Variants in F8 observed in about 807,000 individuals in gnomAD.
F8 encodes the protein antihemophilic factor.
Under a neutral mutation model 140.6 loss-of-function variants are expected in F8, and 12 were observed. The observed-to-expected ratio is 0.09, with a 90% CI of 0.05 to 0.14. The LOEUF (loss-of-function observed/expected upper bound fraction) is 0.14. Among genes scored for constraint, F8 ranks in the 10% least tolerant of loss-of-function variants. F8 has a pLI of 1.00. For missense variants in F8, 1,354 were observed against 1,720.7 expected (o/e 0.79, Z 3.77); for synonymous variants, 585 against 614.6 (o/e 0.95, Z 0.71).
chrX:154,900,508 C>T (rs1215062446), intron 20 of F8, among the ~76,000 whole-genome samples: 1 of 111,825 alleles, frequency 8.9e-6, no homozygotes, highest in Non-Finnish European at 1.9e-5. Flanking sequence ...TGCTGGGAGG[C>T]ATGAGCCAAC....
intron 1 of F8, among the ~76,000 whole-genome samples, chrX:155,022,076 C>T (rs1358944127): frequency 1.1e-4 from 12 of 111,748 alleles, no homozygotes; most frequent in African/African-American, 3.6e-4. Context: ...TTGATTCTCT[C>T]TATGGAAGCT....
At chrX:154,923,994 G>T (rs1425179683) in intron 14 of F8, among the ~76,000 whole-genome samples, 1 of 111,800 alleles carries the variant, frequency 8.9e-6, no homozygotes, top group Non-Finnish European at 1.9e-5. Flanking sequence ...AAAAAAAAGA[G>T]TTTTCCTGCA....
intron 6 of F8, among the ~76,000 whole-genome samples, chrX:154,984,461 G>A (rs989733981): frequency 9.0e-6 from 1 of 111,495 alleles, no homozygotes; most frequent in Non-Finnish European, 1.9e-5. Flanking sequence ...TTAAGAAAAG[G>A]AAAGAAAAAT....
rs782669607 is a variant in F8, at chrX:154,961,183, G to A, written c.1444-15C>T. 11 of 1,070,679 alleles carry A rather than the reference G, an allele frequency of 1.0e-5. No individual in the cohort carries two copies. The highest frequency in any genetic ancestry group is 5.5e-5 in the African/African-American group (3 of 54,524). The allele number at this position is 1,070,679 out of a possible 1,213,427, so 88.2% of individuals were successfully genotyped here. Reference sequence around the variant, plus strand: ...TTAAATATAATCTGAAAGTATAAGCGAGATCTAAGATCAAATCCTAAAACG... The same window carrying A: ...TTAAATATAATCTGAAAGTATAAGCAAGATCTAAGATCAAATCCTAAAACG... On this transcript the variant is annotated splice_polypyrimidine_tract_variant and intron_variant, in intron 9 of 25. Transcript: ENST00000360256.
At position 154,886,018 on chromosome X, in the gene F8, C is replaced by T. The variant is rs782411366; in HGVS notation, c.6429+10059G>A. 8.6e-4 allele frequency: 381 copies of T among 442,232 alleles called. 11 individuals carry two copies. Among genetic ancestry groups the T allele is most frequent in the Admixed American group, 1.1e-3 (25 of 22,575 alleles). 36.4% of individuals were successfully genotyped at this position (442,232 alleles called of 1,213,427 possible). On this transcript the variant is annotated intron_variant, in intron 22 of 25. Coordinates refer to ENST00000360256, the MANE Select transcript of F8 (RefSeq NM_000132.4). Reference sequence around the variant, plus strand: ...ATGCGCAGACATGGAATTAGGGTCACGAGTTTCGTTTGGGTCATGTTCAGA... The same window carrying T: ...ATGCGCAGACATGGAATTAGGGTCATGAGTTTCGTTTGGGTCATGTTCAGA...
chrX:154,976,133 G>A (rs1379535372), intron 6 of F8, among the ~76,000 whole-genome samples: 1 of 111,546 alleles, frequency 9.0e-6, no homozygotes, highest in Non-Finnish European at 1.9e-5. Context: ...GACTTCAGGT[G>A]ATCCACCCGC....
At chrX:154,980,310 T>C (rs1434822933) in intron 6 of F8, among the ~76,000 whole-genome samples, 1 of 112,174 alleles carries the variant, frequency 8.9e-6, no homozygotes, top group African/African-American at 3.2e-5. Flanking sequence ...ATTGCATGTG[T>C]CATTTTTTAT....
In F8 at chrX:154,966,159, A is replaced by G; in HGVS notation, c.1272-18T>C. On this transcript the variant is annotated intron_variant, in intron 8 of 25. Transcript: ENST00000360256. ...TATAACTTCTGTATAAGAGAAAAAAAGATGAGAGGTTGGGAAGAAAAATTC... is the reference window on the plus strand; with the variant it reads ...TATAACTTCTGTATAAGAGAAAAAAGGATGAGAGGTTGGGAAGAAAAATTC... 1 of 1,200,481 alleles carries G rather than the reference A, an allele frequency of 8.3e-7. No homozygotes were observed. Among genetic ancestry groups the G allele is most frequent in the Non-Finnish European group, 1.1e-6 (1 of 887,816 alleles).
chrX:154,847,832 G>C (rs1569559249), intron 25 of F8, among the ~76,000 whole-genome samples: 1 of 113,217 alleles, frequency 8.8e-6, no homozygotes, highest in Non-Finnish European at 1.9e-5. Flanking sequence ...CTGGCGAGGA[G>C]CTGCGTTCCT....
rs373254680 is a variant in F8 at position 154,901,455 on chromosome X, G to A, written c.6116-13C>T. ...GGAGTCTGACACTCTGAAATGAAAC[G>A]GGTGGAACACAGTAACTAGAAGTGC... On this transcript the variant is annotated splice_polypyrimidine_tract_variant and intron_variant, in intron 19 of 25. Transcript: ENST00000360256. 3.5e-5 allele frequency: 39 copies of A among 1,122,797 alleles called. No individual in the cohort carries two copies. The highest frequency in any genetic ancestry group is 4.4e-5 in the Admixed American group (2 of 45,658). 92.5% of individuals were successfully genotyped at this position (1,122,797 alleles called of 1,213,427 possible).
intron 14 of F8, among the ~76,000 whole-genome samples, chrX:154,914,127 G>A (rs1443748858): frequency 1.8e-5 from 2 of 112,885 alleles, no homozygotes; most frequent in Non-Finnish European, 3.8e-5. Flanking sequence ...AAGGCTGGGG[G>A]CTTGCACCCT....
chrX:154,913,808 A>ATGGGC (rs782465583), intron 14 of F8, among the ~76,000 whole-genome samples: 27 of 112,566 alleles, frequency 2.4e-4, no homozygotes, highest in Non-Finnish European at 4.3e-4. Context: ...GGCTGCTTTC[A>ATGGGC]TGGGCTGGCA....
chrX:154,850,253 C>T (rs890720227), intron 25 of F8, among the ~76,000 whole-genome samples: 19 of 109,259 alleles, frequency 1.7e-4, no homozygotes, highest in African/African-American at 5.3e-4. Flanking sequence ...CTCAGCCTCC[C>T]GAGTAGCTGG....
At chrX:154,838,538 A>G (rs1557271118) in intron 25 of F8, among the ~76,000 whole-genome samples, 1 of 112,018 alleles carries the variant, frequency 8.9e-6, no homozygotes, top group Non-Finnish European at 1.9e-5. Flanking sequence ...ATGCTCTTGC[A>G]AGGACAGACA....
chrX:154,950,001 G>A (rs1438158625), intron 12 of F8, among the ~76,000 whole-genome samples: 2 of 111,347 alleles, frequency 1.8e-5, no homozygotes, highest in Non-Finnish European at 3.8e-5. Flanking sequence ...TCTTGACCTC[G>A]TGATCCGCCC....
rs782583050 is a variant in F8, at chrX:154,946,190, T to TG, written c.2113+1507dup. Among the ~76,000 whole-genome samples, 27 of 112,098 alleles carry TG rather than the reference T, an allele frequency of 2.4e-4. No individual in the cohort carries two copies. The South Asian group carries it at 4.8e-3, about 20-fold the overall frequency. Reference sequence around the variant, plus strand: ...AGATTTAATGTAATACCTATCCAAATGCCAGTGAAGTTTTTCACAGAAATA... The same window carrying TG: ...AGATTTAATGTAATACCTATCCAAATGGCCAGTGAAGTTTTTCACAGAAATA... On this transcript the variant is annotated intron_variant, in intron 13 of 25. Transcript: ENST00000360256.
rs1257722966 is a variant in F8 at position 154,992,009 on chromosome X, G to T, written c.601+927C>A. Among the ~76,000 whole-genome samples the T allele has an allele frequency of 3.6e-5, 4 of 112,003 alleles. No homozygotes were observed. In the Admixed American group the frequency reaches 3.8e-4, roughly 11 times the overall value. On this transcript the variant is annotated intron_variant, in intron 4 of 25. Coordinates refer to ENST00000360256, the MANE Select transcript of F8 (RefSeq NM_000132.4). ...GAAATCGTGAAACAGCTTCTAATGGGCTATCTCAGGACCATATAAGAAGTC... is the reference window on the plus strand; with the variant it reads ...GAAATCGTGAAACAGCTTCTAATGGTCTATCTCAGGACCATATAAGAAGTC...
At position 154,930,089 on chromosome X, in the gene F8, T is replaced by C; in HGVS notation, c.3701A>G (p.His1234Arg). 8.3e-7 allele frequency: 1 copy of C among 1,211,232 alleles called. No homozygotes were observed. Among genetic ancestry groups the C allele is most frequent in the Non-Finnish European group, 1.1e-6 (1 of 895,243 alleles). Residue 1234 changes from histidine to arginine, a missense_variant, in exon 14 of 26, where the codon CAT becomes CGT. Physicochemically the swap from His to Arg is conservative, Grantham distance 29. Around this residue, in one of 4 missense-constraint regions of F8, gnomAD observed 658 missense variants for 666.5 expected, o/e 0.99. Coordinates refer to ENST00000360256, the MANE Select transcript of F8 (RefSeq NM_000132.4). ...IQENVVLPQI[H>R]TVTGTKNFMK... ...GAAATTCTTAGTGCCAGTCACTGTA[T>C]GTATCTGAGGCAAAACTACATTCTC...
chrX:154,969,482 G>A lies in F8; in HGVS notation c.858C>T (p.His286=). 8.3e-7 allele frequency: 1 copy of A among 1,211,360 alleles called. No homozygotes were observed. The highest frequency in any genetic ancestry group is 1.1e-6 in the Non-Finnish European group (1 of 895,288). The change falls in exon 7 of 26, where the codon CAC becomes CAT. Residue 286 remains histidine (H), a synonymous_variant. Transcript: ENST00000360256. ...VIGMGTTPEV[H]SIFLEGHTFL... ...ATGTGTGACCTTCGAGGAATATTGA[G>A]TGCACTTCAGGAGTGGTGCCCATTC...
Sources: allele counts gnomAD v4.1 joint callset (sites outside exome capture counted in the v4.1 genomes callset), GRCh38; gene constraint gnomAD v4.1.1; regional missense constraint gnomAD v4.1.1; transcripts MANE v1.5; gene names NCBI Gene and HGNC (gene_info 2026-07-23, HGNC 2026-07-21).